The following FHIP1A variants were observed in gnomAD, a reference collection of about 807,000 sequenced individuals.
FHIP1A encodes FHF complex subunit HOOK interacting protein 1A, also known as FHF complex subunit HOOK-interacting protein 1A.
In FHIP1A, 61 loss-of-function variants were observed where a neutral mutation model predicts 88.6. The observed-to-expected ratio is 0.69, with a 90% CI of 0.56 to 0.85. The LOEUF (loss-of-function observed/expected upper bound fraction) is 0.85. FHIP1A is among the 40% of genes least tolerant of loss of function. FHIP1A has a pLI of 0.00. For missense variants in FHIP1A, 1,154 were observed against 1,273.5 expected, an observed-to-expected ratio of 0.91 and a Z score of 1.43; for synonymous variants, 478 against 496.0, an observed-to-expected ratio of 0.96 and a Z score of 0.48.
chr4:151,551,321 A>T (rs948583757), intron 3 of FHIP1A, among the ~76,000 whole-genome samples: 22 of 152,172 alleles, frequency 1.4e-4, no homozygotes, highest in Non-Finnish European at 4.4e-5. Context: ...TTCACAGAAT[A>T]GGAAAAAACT....
intron 3 of FHIP1A, among the ~76,000 whole-genome samples, chr4:151,509,909 G>A (rs1730968071): frequency 6.6e-6 from 1 of 152,106 alleles, no homozygotes; most frequent in Non-Finnish European, 1.5e-5. Flanking sequence ...TGTTGGGCAG[G>A]AACCTTTTGG....
chr4:151,485,471 A>G (rs1468303065), intron 3 of FHIP1A, among the ~76,000 whole-genome samples: 2 of 152,052 alleles, frequency 1.3e-5, no homozygotes, highest in African/African-American at 4.8e-5. Flanking sequence ...TAACAACTCT[A>G]GTCTAGACTA....
chr4:151,557,690 A>G (rs771155395), intron 3 of FHIP1A, among the ~76,000 whole-genome samples: 3 of 152,234 alleles, frequency 2.0e-5, no homozygotes, highest in African/African-American at 2.4e-5. Context: ...TCAATAAGCC[A>G]TCTTTGCTGT....
chr4:151,527,641 T>C (rs1731728986), intron 3 of FHIP1A, among the ~76,000 whole-genome samples: 1 of 152,166 alleles, frequency 6.6e-6, no homozygotes, highest in Non-Finnish European at 1.5e-5. Context: ...TTATTTTTAT[T>C]GGTAACACAG....
At chr4:151,446,745 A>G (rs1475168954) in intron 1 of FHIP1A, among the ~76,000 whole-genome samples, 1 of 152,088 alleles carries the variant, frequency 6.6e-6, no homozygotes, top group Admixed American at 6.6e-5. Context: ...ATAACTCAGA[A>G]TGTTTTCCTT....
chr4:151,621,191 T>G (rs974150713), intron 7 of FHIP1A, among the ~76,000 whole-genome samples: 1 of 152,116 alleles, frequency 6.6e-6, no homozygotes, highest in Non-Finnish European at 1.5e-5. Flanking sequence ...TGTCCCCTCA[T>G]TTTTGTGTCT....
In FHIP1A at chr4:151,479,698, C is replaced by G. The variant is rs151215080; in HGVS notation, c.-247-2826C>G. On this transcript the variant is annotated intron_variant, in intron 2 of 13. Transcript: ENST00000435205. ...GTGCACCCCACCCACATTTGTTTCT[C>G]TGGTGTATGGAGAAATCCATGATGT... Among the ~76,000 whole-genome samples, 110 of 152,194 alleles carry G rather than the reference C, an allele frequency of 7.2e-4. No individual in the cohort carries two copies. The East Asian group carries it at 0.019, about 26-fold the overall frequency.
At chr4:151,575,022 A>G (rs987442553) in intron 4 of FHIP1A, among the ~76,000 whole-genome samples, 2 of 152,114 alleles carry the variant, frequency 1.3e-5, no homozygotes, top group African/African-American at 4.8e-5. Flanking sequence ...GGCAGGAACA[A>G]TTTTATAGCT....
chr4:151,494,192 T>C (rs1177543225), intron 3 of FHIP1A, among the ~76,000 whole-genome samples: 2 of 152,158 alleles, frequency 1.3e-5, no homozygotes, highest in African/African-American at 4.8e-5. Context: ...GTTGATAGTT[T>C]TTTTGCTGTG....
chr4:151,661,926 C>T lies in FHIP1A; in HGVS notation c.2870-575C>T, dbSNP rs115669675. Among the ~76,000 whole-genome samples, 31 of 152,308 alleles carry T rather than the reference C, an allele frequency of 2.0e-4. No individual in the cohort carries two copies. In the East Asian group the frequency reaches 2.7e-3, roughly 13 times the overall value. On this transcript the variant is annotated intron_variant, in intron 13 of 13. Transcript: ENST00000435205. ...TTTCTGCTGATCTCAAGGAATCTTC[C>T]GCTCTCCTTTTATGTAAAACGTTGG...
chr4:151,490,418 G>A (rs773924099), intron 3 of FHIP1A, among the ~76,000 whole-genome samples: 9 of 152,150 alleles, frequency 5.9e-5, no homozygotes, highest in South Asian at 2.1e-4. Flanking sequence ...AACAATCACT[G>A]CAGTCTGTTT....
rs1365552110 is a variant in FHIP1A at position 151,665,869 on chromosome 4, A to ACAGGG, written c.*3119_*3120insGCAGG. ...GAGAGTGTGGACACTTCTCTATGTGACAGGCTCCTACACCAGTCGCTGTGC... is the reference window on the plus strand; with the variant it reads ...GAGAGTGTGGACACTTCTCTATGTGACAGGGCAGGCTCCTACACCAGTCGCTGTGC... On this transcript the variant is annotated 3_prime_UTR_variant, in exon 14 of 14. Coordinates refer to ENST00000435205, the MANE Select transcript of FHIP1A (RefSeq NM_001109977.3). 2.6e-5 allele frequency among the ~76,000 whole-genome samples: 4 copies of ACAGGG among 152,340 alleles called. No homozygotes were observed. In the East Asian group the frequency reaches 5.8e-4, roughly 22 times the overall value.
chr4:151,515,140 CT>C (rs1369200423), intron 3 of FHIP1A, among the ~76,000 whole-genome samples: 3 of 152,168 alleles, frequency 2.0e-5, no homozygotes, highest in Admixed American at 1.3e-4. Context: ...GGATGCAAGA[CT>C]GGTTCAATAT....
At chr4:151,582,922 C>G (rs576974587) in intron 5 of FHIP1A, among the ~76,000 whole-genome samples, 1 of 152,166 alleles carries the variant, frequency 6.6e-6, no homozygotes, top group Admixed American at 6.5e-5. Flanking sequence ...CTATTCATCT[C>G]TTAACCTAGA....
At chr4:151,418,566 C>T (rs1289045122) in intron 1 of FHIP1A, among the ~76,000 whole-genome samples, 1 of 152,192 alleles carries the variant, frequency 6.6e-6, no homozygotes, top group African/African-American at 2.4e-5. Flanking sequence ...TTTCCTGACT[C>T]AGTCTGGCTA....
chr4:151,626,695 C>T (rs1735964193), intron 7 of FHIP1A, among the ~76,000 whole-genome samples: 1 of 152,192 alleles, frequency 6.6e-6, no homozygotes, highest in African/African-American at 2.4e-5. Context: ...AAATTCGTAG[C>T]TACCTGCAAT....
chr4:151,590,988 G>A (rs1734401961), intron 7 of FHIP1A, among the ~76,000 whole-genome samples: 1 of 152,050 alleles, frequency 6.6e-6, no homozygotes, highest in South Asian at 2.1e-4. Context: ...ATCCATTGCA[G>A]ACAATTTGTC....
intron 3 of FHIP1A, among the ~76,000 whole-genome samples, chr4:151,541,672 A>G (rs1732296346): frequency 6.6e-6 from 1 of 152,256 alleles, no homozygotes; most frequent in South Asian, 2.1e-4. Context: ...TCAATCACAT[A>G]TTTTTGTTGG....
intron 3 of FHIP1A, among the ~76,000 whole-genome samples, chr4:151,545,691 A>G (rs1172667914): frequency 7.3e-6 from 1 of 137,786 alleles, no homozygotes; most frequent in Non-Finnish European, 1.7e-5. Context: ...TATCCTTCTT[A>G]GTTTTCAGAA....
Sources: allele counts gnomAD v4.1 joint callset (sites outside exome capture counted in the v4.1 genomes callset), GRCh38; gene constraint gnomAD v4.1.1; transcripts MANE v1.5; gene names NCBI Gene and HGNC (gene_info 2026-07-23, HGNC 2026-07-21).